Variants in RCL1 observed in about 807,000 individuals in gnomAD.
The protein encoded by RCL1 is RNA 3'-terminal phosphate cyclase-like protein.
A neutral mutation model predicts 42.4 loss-of-function variants in RCL1; 24 were observed. The ratio of observed to expected loss-of-function variants is 0.57; its 90% CI spans 0.41 to 0.80. The LOEUF (loss-of-function observed/expected upper bound fraction) is 0.80. Ranked by LOEUF, RCL1 falls within the 30% of genes least tolerant of loss-of-function variation. The pLI is 0.00. For synonymous variants in RCL1, 228 were observed against 177.3 expected (o/e 1.29, Z -2.27); for missense variants, 578 against 467.9 (o/e 1.24, Z -2.17).
chr9:4,849,607 A>G, intron 8 of RCL1, 57 bp downstream of exon 8: 1 of 1,292,556 alleles, frequency 7.7e-7, no homozygotes, highest in Non-Finnish European at 1.1e-6. Flanking sequence ...CTCATTGCCC[A>G]AAATGACAAA....
At chr9:4,793,426 T>C (rs1382118495) in intron 1 of RCL1, among the ~76,000 whole-genome samples, 199 bp downstream of exon 1, 1 of 152,052 alleles carries the variant, frequency 6.6e-6, no homozygotes, top group Admixed American at 6.5e-5. Context: ...AGGGGAGCGC[T>C]CAGCTGCAAG....
chr9:4,854,103 A>T (rs374532565), intron 8 of RCL1, among the ~76,000 whole-genome samples: 1 of 152,184 alleles, frequency 6.6e-6, no homozygotes, highest in Non-Finnish European at 1.5e-5. Flanking sequence ...GCCCTAGAAC[A>T]TAATTGGTGT....
chr9:4,807,391 A>T (rs1816013914), intron 1 of RCL1, among the ~76,000 whole-genome samples: 1 of 152,174 alleles, frequency 6.6e-6, no homozygotes, highest in African/African-American at 2.4e-5. Context: ...ATTTAAAGCA[A>T]TTACATTTTT....
chr9:4,843,944 T>C (rs1228515383), intron 6 of RCL1, among the ~76,000 whole-genome samples: 1 of 152,182 alleles, frequency 6.6e-6, no homozygotes, highest in Non-Finnish European at 1.5e-5. Context: ...GAACCTTTGA[T>C]GAAATGGGTA....
chr9:4,797,830 C>G lies in RCL1; in HGVS notation c.136+4603C>G, dbSNP rs114864647. ...AATCATTGAATCTCTTAAAACTGTC[C>G]CCTTCCATTGCAAAGGGGTTGTAAA... On this transcript the variant is annotated intron_variant, in intron 1 of 8. Coordinates refer to ENST00000381750, the MANE Select transcript of RCL1 (RefSeq NM_005772.5). Among the ~76,000 whole-genome samples the G allele has an allele frequency of 3.6e-3, 549 of 152,138 alleles. 4 individuals are homozygous for G. Among genetic ancestry groups the G allele is most frequent in the African/African-American group, 0.01 (430 of 41,492 alleles).
intron 1 of RCL1, among the ~76,000 whole-genome samples, chr9:4,807,822 A>G (rs1424105649): frequency 2.0e-5 from 3 of 152,140 alleles, no homozygotes; most frequent in Non-Finnish European, 2.9e-5. Context: ...CCTGGCAGCT[A>G]TGGGTCATTT....
chr9:4,820,560 A>G (rs1244025845), intron 1 of RCL1, among the ~76,000 whole-genome samples: 1 of 152,236 alleles, frequency 6.6e-6, no homozygotes, highest in Non-Finnish European at 1.5e-5. Flanking sequence ...AACAAAATCT[A>G]GAAAGTAAAG....
intron 2 of RCL1, among the ~76,000 whole-genome samples, chr9:4,825,283 G>C (rs1373686790): frequency 6.6e-6 from 1 of 152,168 alleles, no homozygotes; most frequent in Non-Finnish European, 1.5e-5. Flanking sequence ...TTCCGCATCA[G>C]AGTAGTAAAA....
Position 4,849,544 on chromosome 9 carries a change from C to T in RCL1, c.965C>T (p.Pro322Leu), listed in dbSNP as rs1463856980. Residue 322 changes from proline (P) to leucine (L), a missense_variant, in exon 8 of 9, where the codon CCC becomes CTC. Pro to Leu is a moderately conservative substitution (Grantham distance 98, BLOSUM62 -3). Coordinates refer to ENST00000381750, the MANE Select transcript of RCL1 (RefSeq NM_005772.5). Reference sequence around the variant, plus strand: ...AAAGTCCTGCTAGGCCCTCTCTCTCCCTACACGTAAGTTATTCTTTTTCAA... The same window carrying T: ...AAAGTCCTGCTAGGCCCTCTCTCTCTCTACACGTAAGTTATTCTTTTTCAA... ...VSKVLLGPLS[P>L]YTIEFLRHLK... 2 of 1,608,828 alleles carry T rather than the reference C, an allele frequency of 1.2e-6. No homozygotes were observed. The highest frequency in any genetic ancestry group is 1.7e-6 in the Non-Finnish European group (2 of 1,175,208).
intron 1 of RCL1, among the ~76,000 whole-genome samples, chr9:4,821,855 T>C (rs576152510): frequency 1.3e-5 from 2 of 152,348 alleles, no homozygotes; most frequent in Non-Finnish European, 1.5e-5. Context: ...CATTCATCTA[T>C]TCATAAGGCC....
At chr9:4,825,279 A>G (rs1476469837) in intron 2 of RCL1, among the ~76,000 whole-genome samples, 1 of 152,152 alleles carries the variant, frequency 6.6e-6, no homozygotes, top group Non-Finnish European at 1.5e-5. Context: ...AATTTTCCGC[A>G]TCAGAGTAGT....
intron 2 of RCL1, among the ~76,000 whole-genome samples, chr9:4,824,004 G>A (rs1008887362): frequency 2.0e-5 from 3 of 152,078 alleles, no homozygotes; most frequent in Non-Finnish European, 2.9e-5. Context: ...TTTGAAGGGC[G>A]TACATTTGAT....
intron 1 of RCL1, among the ~76,000 whole-genome samples, chr9:4,795,998 G>A (rs1587688108): frequency 6.6e-6 from 1 of 152,308 alleles, no homozygotes; most frequent in Admixed American, 6.5e-5. Flanking sequence ...AGTTACGAAG[G>A]AAGGCAGGTT....
At chr9:4,852,982 T>C (rs1290759690) in intron 8 of RCL1, among the ~76,000 whole-genome samples, 1 of 152,198 alleles carries the variant, frequency 6.6e-6, no homozygotes. Context: ...TTTTAATTTC[T>C]AGTTATTATT....
At chr9:4,853,179 C>T (rs7858420) in intron 8 of RCL1, among the ~76,000 whole-genome samples, 49,791 of 151,806 alleles carry the variant, frequency 0.33, 8,431 homozygotes, top group South Asian at 0.46. Flanking sequence ...GCAAAAAAGG[C>T]AAGTACTATC....
chr9:4,850,571 C>T (rs1421950607), intron 8 of RCL1, among the ~76,000 whole-genome samples: 1 of 137,930 alleles, frequency 7.3e-6, no homozygotes, highest in African/African-American at 2.8e-5. Flanking sequence ...ATTCTGTTAG[C>T]AGAGAGGGAA....
chr9:4,798,415 G>A (rs141358593), intron 1 of RCL1, among the ~76,000 whole-genome samples: 1 of 152,244 alleles, frequency 6.6e-6, no homozygotes, highest in African/African-American at 2.4e-5. Flanking sequence ...TCCTGAGCAG[G>A]TCATGTAACT....
intron 6 of RCL1, among the ~76,000 whole-genome samples, chr9:4,842,296 C>T (rs1307272747): frequency 6.6e-6 from 1 of 152,156 alleles, no homozygotes; most frequent in Non-Finnish European, 1.5e-5. Context: ...TCCTTTTTCA[C>T]AGCTGTTTCA....
chr9:4,823,580 A>G lies in RCL1; in HGVS notation c.169A>G (p.Lys57Glu). 3 of 1,612,074 alleles carry G rather than the reference A, an allele frequency of 1.9e-6. No individual in the cohort carries two copies. The highest frequency in any genetic ancestry group is 2.5e-6 in the Non-Finnish European group (3 of 1,179,220). Residue 57 changes from lysine to glutamate, a missense_variant, in exon 2 of 9, where the codon AAA becomes GAA. Coordinates refer to ENST00000381750, the MANE Select transcript of RCL1 (RefSeq NM_005772.5). Reference sequence around the variant, plus strand: ...AGCCAGCTTCATAAGGCTATTGGACAAAATAACGAATGGTTCTCGAATTGA... The same window carrying G: ...AGCCAGCTTCATAAGGCTATTGGACGAAATAACGAATGGTTCTCGAATTGA... The part of the protein sequence containing the change: ...FEASFIRLLD[K>E]ITNGSRIEIN...
Sources: allele counts gnomAD v4.1 joint callset (sites outside exome capture counted in the v4.1 genomes callset), GRCh38; gene constraint gnomAD v4.1.1; transcripts MANE v1.5; gene names NCBI Gene and HGNC (gene_info 2026-07-23, HGNC 2026-07-21).